CACNG2: variants seen among roughly 807,000 people sequenced by gnomAD.
The protein encoded by CACNG2 is calcium voltage-gated channel auxiliary subunit gamma 2.
A neutral mutation model predicts 25.9 loss-of-function variants in CACNG2; 3 were observed. That is an observed-to-expected ratio of 0.12 (90% CI 0.05 to 0.30). CACNG2 has a LOEUF of 0.30. Among genes scored for constraint, CACNG2 ranks in the 10% least tolerant of loss-of-function variants. The probability of loss-of-function intolerance (pLI) is 1.00; values close to 1 mark genes in which losing one functional copy is unlikely to be tolerated. For synonymous variants in CACNG2, 167 were observed against 173.3 expected (o/e 0.96, Z 0.29); for missense variants, 341 against 432.5 (o/e 0.79, Z 1.88).
chr22:36,654,096 C>G (rs1055752601), intron 1 of CACNG2, among the ~76,000 whole-genome samples: 1 of 151,808 alleles, frequency 6.6e-6, no homozygotes, highest in Non-Finnish European at 1.5e-5. Flanking sequence ...AGCTTTCCTA[C>G]ATGCAACCAC....
chr22:36,660,033 C>G (rs1244506290), intron 1 of CACNG2, among the ~76,000 whole-genome samples: 2 of 152,236 alleles, frequency 1.3e-5, no homozygotes, highest in Admixed American at 1.3e-4. Flanking sequence ...GACAATCCCC[C>G]CACGACTCTG....
Position 36,650,783 on chromosome 22 carries a change from A to G in CACNG2, c.211+51583T>C, listed in dbSNP as rs185060116. 3.0e-4 allele frequency among the ~76,000 whole-genome samples: 46 copies of G among 152,174 alleles called. No homozygotes were observed. In the East Asian group the frequency reaches 6.6e-3, roughly 22 times the overall value. On this transcript the variant is annotated intron_variant, in intron 1 of 3. Coordinates refer to ENST00000300105, the MANE Select transcript of CACNG2 (RefSeq NM_006078.5). Reference sequence around the variant, plus strand: ...GATCCTTCTGCCTGGGCCTCCCAGAATGCTGGGATTTTAGGCATGAGCCAC... The same window carrying G: ...GATCCTTCTGCCTGGGCCTCCCAGAGTGCTGGGATTTTAGGCATGAGCCAC...
chr22:36,644,806 G>GTTTGTT lies in CACNG2; in HGVS notation c.212-57264_212-57259dup, dbSNP rs375847301. Among the ~76,000 whole-genome samples, 1,370 of 152,006 alleles carry GTTTGTT rather than the reference G, an allele frequency of 9.0e-3. 18 individuals are homozygous for GTTTGTT. Among genetic ancestry groups the GTTTGTT allele is most frequent in the African/African-American group, 0.032 (1,312 of 41,462 alleles). Reference sequence around the variant, plus strand: ...AAGCCCTATATAAGTGGTTTTTTTTGTTTGTTTTTGTTTTTGTTTTTTTAA... The same window carrying GTTTGTT: ...AAGCCCTATATAAGTGGTTTTTTTTGTTTGTTTTTGTTTTTGTTTTTGTTTTTTTAA... On this transcript the variant is annotated intron_variant, in intron 1 of 3. Transcript: ENST00000300105.
intron 1 of CACNG2, among the ~76,000 whole-genome samples, chr22:36,661,218 G>A (rs140344528): frequency 1.8e-4 from 28 of 152,328 alleles, no homozygotes; most frequent in African/African-American, 6.0e-4. Flanking sequence ...CATGTACGTC[G>A]GAGGCAGTAC....
intron 1 of CACNG2, among the ~76,000 whole-genome samples, chr22:36,641,679 G>A (rs1936444676): frequency 6.6e-6 from 1 of 152,156 alleles, no homozygotes; most frequent in Non-Finnish European, 1.5e-5. Context: ...CAATTGAATT[G>A]CATTACCCTT....
chr22:36,589,104 C>T (rs1050891308), intron 1 of CACNG2, among the ~76,000 whole-genome samples: 7 of 151,180 alleles, frequency 4.6e-5, no homozygotes, highest in East Asian at 1.9e-4. Context: ...GATTCTCCTG[C>T]GTCAGCCTCC....
intron 1 of CACNG2, among the ~76,000 whole-genome samples, chr22:36,609,479 A>C (rs1290011273): frequency 7.7e-6 from 1 of 130,556 alleles, no homozygotes; most frequent in Non-Finnish European, 1.6e-5. Context: ...GGCAGGAATC[A>C]GCCCGTAGAG....
intron 1 of CACNG2, among the ~76,000 whole-genome samples, chr22:36,678,186 C>T (rs2145998744): frequency 6.6e-6 from 1 of 152,254 alleles, no homozygotes; most frequent in Non-Finnish European, 1.5e-5. Flanking sequence ...TGGTTATCTT[C>T]CCAAACGCCA....
intron 1 of CACNG2, among the ~76,000 whole-genome samples, chr22:36,595,805 G>A (rs1248883736): frequency 6.6e-6 from 1 of 152,208 alleles, no homozygotes; most frequent in Non-Finnish European, 1.5e-5. Flanking sequence ...CAGAAGAGTG[G>A]CAGTGCCCCA....
intron 1 of CACNG2, among the ~76,000 whole-genome samples, chr22:36,603,582 G>T (rs1325717191): frequency 3.3e-5 from 5 of 152,128 alleles, no homozygotes; most frequent in Admixed American, 2.6e-4. Context: ...CTCTTGATAG[G>T]GGCTAATGCA....
At chr22:36,602,314 T>A (rs578234981) in intron 1 of CACNG2, among the ~76,000 whole-genome samples, 1 of 152,114 alleles carries the variant, frequency 6.6e-6, no homozygotes, top group Non-Finnish European at 1.5e-5. Flanking sequence ...AATCTGTACA[T>A]TGCCCTTTCA....
intron 1 of CACNG2, among the ~76,000 whole-genome samples, chr22:36,651,983 C>G (rs563905293): frequency 6.6e-5 from 10 of 152,190 alleles, no homozygotes; most frequent in Non-Finnish European, 1.3e-4. Flanking sequence ...CCTGCCTCAG[C>G]CTCCCAAGTA....
At position 36,562,989 on chromosome 22, in the gene CACNG2, C is replaced by T. The variant is rs1935053830; in HGVS notation, c.*1362G>A. The T allele has an allele frequency of 6.6e-6, 1 of 151,586 alleles. No homozygotes were observed. Among genetic ancestry groups the T allele is most frequent in the Admixed American group, 6.6e-5 (1 of 15,230 alleles). The allele number at this position is 151,586 out of a possible 1,614,324, so 9.4% of individuals were successfully genotyped here. A position where few individuals can be genotyped will look rare whatever the true frequency, so the allele number is the denominator to read the frequency against. ...ACAAGTTCCCTGCTAAAGTTTAAGT[C>T]CCCCACCCCGCCCCATTTTTTGTTT... On this transcript the variant is annotated 3_prime_UTR_variant, in exon 4 of 4. Transcript: ENST00000300105.
At chr22:36,680,563 C>G (rs1260507198) in intron 1 of CACNG2, among the ~76,000 whole-genome samples, 1 of 149,122 alleles carries the variant, frequency 6.7e-6, no homozygotes, top group Non-Finnish European at 1.5e-5. Context: ...CTACCACCAC[C>G]ATCAGCACCA....
At chr22:36,660,239 G>A (rs1205078942) in intron 1 of CACNG2, among the ~76,000 whole-genome samples, 1 of 152,214 alleles carries the variant, frequency 6.6e-6, no homozygotes, top group Non-Finnish European at 1.5e-5. Context: ...CCATGTAGGG[G>A]CTGCTCAGCA....
intron 1 of CACNG2, among the ~76,000 whole-genome samples, chr22:36,603,580 A>C (rs1262416746): frequency 2.0e-5 from 3 of 152,222 alleles, no homozygotes; most frequent in Non-Finnish European, 4.4e-5. Context: ...CTCTCTTGAT[A>C]GGGGCTAATG....
At chr22:36,572,759 G>A (rs1935253362) in intron 2 of CACNG2, among the ~76,000 whole-genome samples, 1 of 152,074 alleles carries the variant, frequency 6.6e-6, no homozygotes, top group Non-Finnish European at 1.5e-5. Flanking sequence ...GCTGGATTTG[G>A]CCTGCTAGTC....
intron 1 of CACNG2, among the ~76,000 whole-genome samples, chr22:36,690,548 G>A (rs1283968105): frequency 1.3e-5 from 2 of 152,158 alleles, no homozygotes; most frequent in Non-Finnish European, 1.5e-5. Flanking sequence ...CCGGCACCTC[G>A]GTAAGCACTC....
Position 36,606,996 on chromosome 22 carries a change from G to A in CACNG2, c.212-19448C>T, listed in dbSNP as rs1278472281. Reference sequence around the variant, plus strand: ...CTGTGTGTGGTGTGTTTGTATGTGTGTGGTGTGTGTGTATGTCTGTGAGTG... The same window carrying A: ...CTGTGTGTGGTGTGTTTGTATGTGTATGGTGTGTGTGTATGTCTGTGAGTG... On this transcript the variant is annotated intron_variant, in intron 1 of 3. Transcript: ENST00000300105. The surrounding 1 kb of genome is among the most constrained non-coding windows in gnomAD (Gnocchi z 5.7). Among the ~76,000 whole-genome samples the A allele has an allele frequency of 6.6e-6, 1 of 151,208 alleles. No individual in the cohort carries two copies. The highest frequency in any genetic ancestry group is 2.4e-5 in the African/African-American group (1 of 40,846).
Sources: allele counts gnomAD v4.1 joint callset (sites outside exome capture counted in the v4.1 genomes callset), GRCh38; gene constraint gnomAD v4.1.1; non-coding constraint Gnocchi (gnomAD v3.1); transcripts MANE v1.5; gene names NCBI Gene and HGNC (gene_info 2026-07-23, HGNC 2026-07-21).